The following CTNNA3 variants were observed in gnomAD, a reference collection of about 807,000 sequenced individuals.
CTNNA3 encodes catenin alpha-3.
Under a neutral mutation model 95.7 loss-of-function variants are expected in CTNNA3, and 76 were observed. The observed-to-expected ratio is 0.79, with a 90% CI of 0.66 to 0.96. The LOEUF is 0.96. CTNNA3 is among the 40% of genes least tolerant of loss of function. The pLI is 0.00. For missense variants in CTNNA3, 1,191 were observed against 1,089.8 expected, an observed-to-expected ratio of 1.09 and a Z score of -1.31; for synonymous variants, 431 against 374.4, an observed-to-expected ratio of 1.15 and a Z score of -1.74.
intron 12 of CTNNA3, among the ~76,000 whole-genome samples, chr10:66,363,315 G>C (rs1429244638): frequency 6.6e-6 from 1 of 152,210 alleles, no homozygotes; most frequent in Non-Finnish European, 1.5e-5. Flanking sequence ...GGTATTTGGA[G>C]ATGGGGCCTT....
At chr10:66,268,924 A>C (rs1400958756) in intron 13 of CTNNA3, among the ~76,000 whole-genome samples, 1 of 152,198 alleles carries the variant, frequency 6.6e-6, no homozygotes, top group Non-Finnish European at 1.5e-5. Context: ...ACTACCTTGT[A>C]GAGACCTATT....
intron 7 of CTNNA3, among the ~76,000 whole-genome samples, chr10:67,063,060 A>G (rs764789496): frequency 1.3e-5 from 2 of 152,110 alleles, no homozygotes; most frequent in Non-Finnish European, 2.9e-5. Flanking sequence ...GACTTGAAAT[A>G]TTAAGTGTGA....
chr10:65,986,137 T>G, intron 16 of CTNNA3, among the ~76,000 whole-genome samples: 1 of 151,500 alleles, frequency 6.6e-6, no homozygotes, highest in Non-Finnish European at 1.5e-5. Context: ...TCTTTTTGTT[T>G]ATTTTGTCTC....
In CTNNA3 at chr10:67,139,898, T is replaced by C. The variant is rs1423898088; in HGVS notation, c.1047+40419A>G. ...GTCCCAATAGAAAGCTTCCATTAAC[T>C]CAAAGGGAAATCTCTGAGAAGTATT... On this transcript the variant is annotated intron_variant, in intron 7 of 17. Transcript: ENST00000433211. Among the ~76,000 whole-genome samples, 3 of 152,298 alleles carry C rather than the reference T, an allele frequency of 2.0e-5. No homozygotes were observed. In the East Asian group the frequency reaches 5.8e-4, roughly 29 times the overall value.
intron 9 of CTNNA3, among the ~76,000 whole-genome samples, chr10:66,625,240 T>A (rs924149107): frequency 6.6e-6 from 1 of 152,138 alleles, no homozygotes; most frequent in Non-Finnish European, 1.5e-5. Flanking sequence ...TATGGTATAT[T>A]CTAGGCCCTT....
At chr10:66,056,441 G>T (rs1409650662) in intron 15 of CTNNA3, among the ~76,000 whole-genome samples, 1 of 151,940 alleles carries the variant, frequency 6.6e-6, no homozygotes, top group African/African-American at 2.4e-5. Flanking sequence ...CTAGTATTTT[G>T]TTGAGTATTT....
chr10:67,682,139 CAAG>C (rs1404445696), intron 1 of CTNNA3, among the ~76,000 whole-genome samples: 3 of 128,998 alleles, frequency 2.3e-5, no homozygotes, highest in African/African-American at 8.8e-5. Flanking sequence ...ACCTGGGTGA[CAAG>C]AGCAAAACCC....
chr10:67,521,316 A>G (rs1839978282), intron 5 of CTNNA3, among the ~76,000 whole-genome samples: 1 of 152,208 alleles, frequency 6.6e-6, no homozygotes, highest in African/African-American at 2.4e-5. Context: ...AGGCAATTAA[A>G]AACCTTGTAT....
At chr10:67,489,812 A>G (rs1478576053) in intron 5 of CTNNA3, among the ~76,000 whole-genome samples, 1 of 149,930 alleles carries the variant, frequency 6.7e-6, no homozygotes, top group Non-Finnish European at 1.5e-5. Context: ...ATATACACAC[A>G]TTAGGTGTGT....
chr10:66,901,569 G>C (rs1258298243), intron 7 of CTNNA3, among the ~76,000 whole-genome samples: 1 of 152,114 alleles, frequency 6.6e-6, no homozygotes, highest in Non-Finnish European at 1.5e-5. Flanking sequence ...CTAATTAAAA[G>C]ACACAGACTG....
At chr10:66,928,613 T>C (rs910624164) in intron 7 of CTNNA3, among the ~76,000 whole-genome samples, 1 of 152,158 alleles carries the variant, frequency 6.6e-6, no homozygotes, top group Non-Finnish European at 1.5e-5. Flanking sequence ...AGTGCATTCA[T>C]AATACTGGTC....
chr10:67,063,657 G>A (rs1008648143), intron 7 of CTNNA3, among the ~76,000 whole-genome samples: 1 of 152,192 alleles, frequency 6.6e-6, no homozygotes, highest in Admixed American at 6.5e-5. Flanking sequence ...GCTCTTTCGA[G>A]AATAAATACT....
intron 7 of CTNNA3, among the ~76,000 whole-genome samples, chr10:66,914,935 T>TAATA (rs1166866657): frequency 6.6e-6 from 1 of 152,002 alleles, no homozygotes; most frequent in Non-Finnish European, 1.5e-5. Flanking sequence ...CCAAAATTTG[T>TAATA]AATAAATAAA....
At chr10:67,223,162 T>C (rs1277321599) in intron 5 of CTNNA3, among the ~76,000 whole-genome samples, 1 of 152,184 alleles carries the variant, frequency 6.6e-6, no homozygotes, top group African/African-American at 2.4e-5. Flanking sequence ...GCAGAGTTTA[T>C]GTAAGGAAAA....
chr10:66,050,338 TA>T (rs11382507), intron 15 of CTNNA3, among the ~76,000 whole-genome samples: 25,961 of 148,492 alleles, frequency 0.17, 2,494 homozygotes, highest in Admixed American at 0.25. Context: ...CACATTTCAG[TA>T]AAAAAAAAAA....
At chr10:67,306,090 G>T (rs1840542056) in intron 5 of CTNNA3, among the ~76,000 whole-genome samples, 1 of 151,984 alleles carries the variant, frequency 6.6e-6, no homozygotes, top group Non-Finnish European at 1.5e-5. Flanking sequence ...AGGAGGTGAA[G>T]AAACAGATAA....
chr10:66,221,365 T>G (rs1392831706), intron 13 of CTNNA3, among the ~76,000 whole-genome samples: 1 of 152,206 alleles, frequency 6.6e-6, no homozygotes, highest in East Asian at 1.9e-4. Context: ...CATTCTGATT[T>G]TTATGTAAGT....
At chr10:66,719,701 T>C (rs766209948) in intron 9 of CTNNA3, among the ~76,000 whole-genome samples, 6 of 152,124 alleles carry the variant, frequency 3.9e-5, no homozygotes, top group Non-Finnish European at 7.4e-5. Context: ...CAAGAGACCA[T>C]TGTGAGGAAG....
chr10:66,000,763 A>G (rs1251743375), intron 15 of CTNNA3, among the ~76,000 whole-genome samples: 1 of 152,188 alleles, frequency 6.6e-6, no homozygotes, highest in Admixed American at 6.6e-5. Context: ...TATAATAATC[A>G]TTAAGTTTAT....
Sources: gnomAD v4.1 joint callset for allele counts (sites outside exome capture counted in the v4.1 genomes callset) on GRCh38, gnomAD v4.1.1 for gene constraint, MANE v1.5 for transcripts, NCBI Gene and HGNC (gene_info 2026-07-23, HGNC 2026-07-21) for gene names.